The following KIFAP3 variants were observed in gnomAD, a reference collection of about 807,000 sequenced individuals.
KIFAP3 encodes kinesin-associated protein 3.
A neutral mutation model predicts 106.5 loss-of-function variants in KIFAP3; 68 were observed. That is an observed-to-expected ratio of 0.64 (90% CI 0.53 to 0.78). The LOEUF (loss-of-function observed/expected upper bound fraction) is 0.78. KIFAP3 is among the 30% of genes least tolerant of loss of function. The pLI, the probability that KIFAP3 is intolerant of heterozygous loss-of-function variation, is 0.00. For missense variants in KIFAP3, 780 were observed against 941.8 expected (o/e 0.83, Z 2.25); for synonymous variants, 320 against 311.5 (o/e 1.03, Z -0.29).
intron 10 of KIFAP3, among the ~76,000 whole-genome samples, chr1:169,999,727 G>A (rs77425288): frequency 0.011 from 1,601 of 152,252 alleles, 21 homozygotes; most frequent in Middle Eastern, 0.045. Context: ...ATTTGAAAGT[G>A]TTACTGAATT....
chr1:169,965,721 T>TA (rs1251045056), intron 17 of KIFAP3, among the ~76,000 whole-genome samples: 1 of 152,034 alleles, frequency 6.6e-6, no homozygotes, highest in African/African-American at 2.4e-5. Context: ...CTTCTAACTT[T>TA]AGCCTTCTTA....
At chr1:170,051,263 G>A (rs1264840415) in intron 2 of KIFAP3, among the ~76,000 whole-genome samples, 2 of 151,736 alleles carry the variant, frequency 1.3e-5, no homozygotes, top group African/African-American at 4.8e-5. Flanking sequence ...TAATGGTAAA[G>A]GGTTCAATGC....
In KIFAP3 at chr1:170,020,739, A is replaced by C. The variant is rs555975072; in HGVS notation, c.1020+3679T>G. Among the ~76,000 whole-genome samples the C allele has an allele frequency of 2.0e-5, 3 of 152,146 alleles. No individual in the cohort carries two copies. In the East Asian group the frequency reaches 5.8e-4, roughly 29 times the overall value. ...TGCAAAGGCAATTTCAATAAGGTAC[A>C]AAAGCAATTCAATGCATCTTTTCAA... On this transcript the variant is annotated intron_variant, in intron 9 of 19. Transcript: ENST00000361580.
intron 8 of KIFAP3, 102 bp downstream of exon 8, chr1:170,031,784 G>A: frequency 3.0e-6 from 2 of 675,322 alleles, no homozygotes; most frequent in Non-Finnish European, 5.2e-6. Context: ...AGAACTTTCA[G>A]CTATTCTCAC....
At chr1:169,968,490 T>C (rs1665745371) in intron 17 of KIFAP3, among the ~76,000 whole-genome samples, 1 of 151,902 alleles carries the variant, frequency 6.6e-6, no homozygotes, top group Admixed American at 6.6e-5. Flanking sequence ...GAGACTGTAA[T>C]ATGGTTTATT....
intron 3 of KIFAP3, among the ~76,000 whole-genome samples, chr1:170,046,210 C>CAAAAAAAAAAAAAAAAAAAAAA (rs60580320): frequency 1.8e-5 from 1 of 56,928 alleles, no homozygotes; most frequent in African/African-American, 6.8e-5. Context: ...TTCTCTGCTG[C>CAAAAAAAAAAAAAAAAAAAAAA]AAAAAAAAAA....
chr1:169,936,230 T>C (rs1012077306), intron 19 of KIFAP3, among the ~76,000 whole-genome samples: 3 of 151,686 alleles, frequency 2.0e-5, no homozygotes, highest in Admixed American at 1.3e-4. Context: ...TACATTTCTA[T>C]GTAAAATGAA....
intron 19 of KIFAP3, among the ~76,000 whole-genome samples, chr1:169,936,558 T>C (rs1483655962): frequency 6.6e-6 from 1 of 151,858 alleles, no homozygotes; most frequent in East Asian, 1.9e-4. Context: ...TCAAAAATAA[T>C]GTGGTTCTTT....
chr1:169,925,568 G>C (rs1663090628), intron 19 of KIFAP3, among the ~76,000 whole-genome samples: 1 of 151,694 alleles, frequency 6.6e-6, no homozygotes. Context: ...GCTAATATTT[G>C]CAAGACTTCA....
Position 170,029,585 on chromosome 1 carries a change from AAAC to A in KIFAP3, c.841+2298_841+2300del, listed in dbSNP as rs151182859. 3.3e-4 allele frequency among the ~76,000 whole-genome samples: 50 copies of A among 151,538 alleles called. 1 individual carries two copies. Among genetic ancestry groups the A allele is most frequent in the African/African-American group, 6.3e-4 (26 of 41,416 alleles). On this transcript the variant is annotated intron_variant, in intron 8 of 19. Coordinates refer to ENST00000361580, the MANE Select transcript of KIFAP3 (RefSeq NM_014970.4). Reference sequence around the variant, plus strand: ...GAGTAAATGACCTCAGCTTCCACTTAAACAACAACAACAACAACAACAACAACA... The same window carrying A: ...GAGTAAATGACCTCAGCTTCCACTTAAACAACAACAACAACAACAACAACA...
chr1:170,048,914 C>G (rs569541465), intron 2 of KIFAP3, among the ~76,000 whole-genome samples: 110 of 152,220 alleles, frequency 7.2e-4, no homozygotes, highest in Non-Finnish European at 1.3e-3. Context: ...TTTGGGCAGG[C>G]ACCGAGCTAG....
At chr1:169,951,679 A>G (rs535277084) in intron 19 of KIFAP3, among the ~76,000 whole-genome samples, 1 of 152,006 alleles carries the variant, frequency 6.6e-6, no homozygotes, top group East Asian at 1.9e-4. Flanking sequence ...TGCTGAATTG[A>G]GCAAAAAAGG....
chr1:169,961,459 C>T lies in KIFAP3; in HGVS notation c.1984-224G>A, dbSNP rs1337737649. 5.3e-5 allele frequency among the ~76,000 whole-genome samples: 8 copies of T among 152,144 alleles called. 1 individual carries two copies. In the South Asian group the frequency reaches 1.7e-3, roughly 32 times the overall value. On this transcript the variant is annotated intron_variant, in intron 17 of 19. Transcript: ENST00000361580. ...CGATCACTAATGGCAATGGCAAACA[C>T]TAGAAAAGTTTAAATTTCATAAATT...
At chr1:169,929,718 A>G (rs1027139671) in intron 19 of KIFAP3, among the ~76,000 whole-genome samples, 1 of 152,136 alleles carries the variant, frequency 6.6e-6, no homozygotes, top group Non-Finnish European at 1.5e-5. Flanking sequence ...TGGCTACAGC[A>G]TCTTAAAGAA....
At chr1:169,923,760 C>T (rs1662958389) in intron 19 of KIFAP3, among the ~76,000 whole-genome samples, 1 of 152,176 alleles carries the variant, frequency 6.6e-6, no homozygotes, top group African/African-American at 2.4e-5. Context: ...TGTAATTCTA[C>T]CTAAAAGAAG....
At chr1:169,923,832 C>G (rs544920368) in intron 19 of KIFAP3, among the ~76,000 whole-genome samples, 1 of 152,198 alleles carries the variant, frequency 6.6e-6, no homozygotes, top group Non-Finnish European at 1.5e-5. Context: ...TCAGCTACAA[C>G]GCTGGTTGTA....
intron 2 of KIFAP3, among the ~76,000 whole-genome samples, chr1:170,054,002 TTAAAC>T (rs1490813724): frequency 2.0e-5 from 3 of 152,136 alleles, no homozygotes; most frequent in Non-Finnish European, 4.4e-5. Context: ...TGGGATCTAA[TTAAAC>T]TAAAGAGCCT....
At position 170,053,645 on chromosome 1, in the gene KIFAP3, GATAAAGACCA is replaced by G. The variant is rs1257312283; in HGVS notation, c.164+1650_164+1659del. On this transcript the variant is annotated intron_variant, in intron 2 of 19. Transcript: ENST00000361580. The stretch of plus-strand genomic sequence containing the variant: ...AGCATGGTACTGGTATCAAAACAGG[GATAAAGACCA>G]ATGGAACAGAACAGAGACTCAGAAA... 7.9e-5 allele frequency among the ~76,000 whole-genome samples: 12 copies of G among 152,118 alleles called. No homozygotes were observed. In the East Asian group the frequency reaches 2.3e-3, roughly 29 times the overall value.
Position 169,978,470 on chromosome 1 carries a change from T to C in KIFAP3, c.1799-287A>G, listed in dbSNP as rs1666343282. Among the ~76,000 whole-genome samples, 3 of 152,004 alleles carry C rather than the reference T, an allele frequency of 2.0e-5. 1 individual carries two copies. Among genetic ancestry groups the C allele is most frequent in the Admixed American group, 2.0e-4 (3 of 15,236 alleles). The stretch of plus-strand genomic sequence containing the variant: ...GGAGAAAAATAATTCTTAAAAATTA[T>C]TATACCTTCTAAACTCTAAGTTTTT... On this transcript the variant is annotated intron_variant, in intron 15 of 19. Transcript: ENST00000361580.
Sources: allele counts gnomAD v4.1 joint callset (sites outside exome capture counted in the v4.1 genomes callset), GRCh38; gene constraint gnomAD v4.1.1; transcripts MANE v1.5; gene names NCBI Gene and HGNC (gene_info 2026-07-23, HGNC 2026-07-21).